Variants in STPG2 observed in about 807,000 individuals in gnomAD.
STPG2 encodes sperm tail PG-rich repeat containing 2.
A neutral mutation model predicts 54.2 loss-of-function variants in STPG2; 56 were observed. The observed-to-expected ratio is 1.03, with a 90% confidence interval of 0.83 to 1.29. STPG2 has a LOEUF of 1.29. STPG2 is among the 50% of genes most tolerant of loss of function. STPG2 has a pLI of 0.00. For synonymous variants in STPG2, 200 were observed against 181.8 expected (o/e 1.10, Z -0.81); for missense variants, 596 against 544.9 (o/e 1.09, Z -0.93).
chr4:97,737,705 A>C (rs1471450808), intron 9 of STPG2, among the ~76,000 whole-genome samples: 3 of 152,248 alleles, frequency 2.0e-5, no homozygotes, highest in Admixed American at 1.3e-4. Flanking sequence ...GAAATATGGG[A>C]CTATGTGAAA....
At chr4:97,896,936 C>T (rs1039467654) in intron 8 of STPG2, among the ~76,000 whole-genome samples, 2 of 151,848 alleles carry the variant, frequency 1.3e-5, no homozygotes, top group African/African-American at 4.8e-5. Flanking sequence ...GTTCTGGGTA[C>T]ATGTGCAGGA....
At chr4:97,730,205 C>T (rs1448891551) in intron 9 of STPG2, among the ~76,000 whole-genome samples, 1 of 152,118 alleles carries the variant, frequency 6.6e-6, no homozygotes, top group Non-Finnish European at 1.5e-5. Context: ...ATCTTTATGT[C>T]CACCTGTACC....
intron 9 of STPG2, among the ~76,000 whole-genome samples, chr4:97,715,723 T>C (rs1434374302): frequency 2.0e-5 from 3 of 151,976 alleles, no homozygotes; most frequent in African/African-American, 4.8e-5. Flanking sequence ...ATATCCCATA[T>C]ATGAGCATAC....
chr4:97,609,297 A>C (rs1206849649), intron 10 of STPG2, among the ~76,000 whole-genome samples: 1 of 152,024 alleles, frequency 6.6e-6, no homozygotes, highest in African/African-American at 2.4e-5. Context: ...GGAAGTAGAT[A>C]GTATTCCCAC....
chr4:97,535,921 T>C (rs1394692755), intron 4 of STPG2, among the ~76,000 whole-genome samples: 1 of 152,206 alleles, frequency 6.6e-6, no homozygotes, highest in Admixed American at 6.5e-5. Flanking sequence ...TTTCACCATC[T>C]GTGTTTTTCT....
At chr4:97,730,015 T>A (rs1724749512) in intron 9 of STPG2, among the ~76,000 whole-genome samples, 1 of 152,222 alleles carries the variant, frequency 6.6e-6, no homozygotes, top group Admixed American at 6.5e-5. Flanking sequence ...TTTCAACTTT[T>A]ATTTTAGATA....
At chr4:97,918,576 T>C (rs1200599779) in intron 8 of STPG2, among the ~76,000 whole-genome samples, 1 of 151,878 alleles carries the variant, frequency 6.6e-6, no homozygotes, top group African/African-American at 2.4e-5. Context: ...TGTGTATGTG[T>C]ATATGTATAC....
chr4:97,498,169 C>T (rs1203954461), intron 4 of STPG2, among the ~76,000 whole-genome samples: 1 of 151,898 alleles, frequency 6.6e-6, no homozygotes, highest in East Asian at 1.9e-4. Context: ...CCCATGAGTC[C>T]ACTGTGGGTC....
At chr4:97,730,163 C>T (rs1247799790) in intron 9 of STPG2, among the ~76,000 whole-genome samples, 1 of 152,156 alleles carries the variant, frequency 6.6e-6, no homozygotes, top group Non-Finnish European at 1.5e-5. Context: ...CCCTCACTGC[C>T]TCGTCTTGTA....
At chr4:97,478,445 G>A (rs1730131523) in intron 4 of STPG2, among the ~76,000 whole-genome samples, 1 of 151,956 alleles carries the variant, frequency 6.6e-6, no homozygotes, top group Admixed American at 6.6e-5. Flanking sequence ...AATATGAACT[G>A]GAAAAATTAA....
At chr4:97,477,689 A>G (rs1298464389) in intron 4 of STPG2, among the ~76,000 whole-genome samples, 1 of 149,322 alleles carries the variant, frequency 6.7e-6, no homozygotes, top group Non-Finnish European at 1.5e-5. Context: ...ATGGGGTTTC[A>G]CCATGTTAGC....
intron 9 of STPG2, among the ~76,000 whole-genome samples, chr4:97,825,395 A>G (rs1234837493): frequency 1.3e-5 from 2 of 152,184 alleles, no homozygotes; most frequent in Non-Finnish European, 1.5e-5. Flanking sequence ...AGCTCTGCAC[A>G]TTTGATCAGA....
At chr4:98,030,864 A>G (rs1367768961) in intron 5 of STPG2, among the ~76,000 whole-genome samples, 6 of 152,182 alleles carry the variant, frequency 3.9e-5, no homozygotes, top group Non-Finnish European at 8.8e-5. Context: ...CCCCTTCTTT[A>G]CACAATGTAC....
chr4:97,573,236 G>A (rs534794331), intron 10 of STPG2, among the ~76,000 whole-genome samples: 61 of 151,698 alleles, frequency 4.0e-4, no homozygotes, highest in African/African-American at 1.4e-3. Context: ...AACTATACAC[G>A]TTATATAAAA....
At chr4:97,745,974 A>G (rs1725410030) in intron 9 of STPG2, among the ~76,000 whole-genome samples, 1 of 151,302 alleles carries the variant, frequency 6.6e-6, no homozygotes, top group Admixed American at 6.6e-5. Context: ...GAGCTAATTT[A>G]TCTTTCAGGC....
intron 4 of STPG2, among the ~76,000 whole-genome samples, chr4:97,547,831 A>G (rs1464889370): frequency 6.6e-6 from 1 of 152,130 alleles, no homozygotes; most frequent in African/African-American, 2.4e-5. Context: ...AGGGAGCTCT[A>G]TTGAACATAA....
chr4:97,917,080 T>A (rs1731908311), intron 8 of STPG2: 3 of 152,646 alleles, frequency 2.0e-5, no homozygotes, highest in Admixed American at 2.0e-4. Context: ...CCAATAACTC[T>A]ATCTCCCTCT....
chr4:97,932,937 C>T (rs1004609575), intron 8 of STPG2, among the ~76,000 whole-genome samples: 15 of 152,136 alleles, frequency 9.9e-5, no homozygotes, highest in Non-Finnish European at 1.6e-4. Context: ...ATTAAGGAAT[C>T]GCCACACTGT....
chr4:97,963,013 G>T (rs772373481), intron 7 of STPG2, among the ~76,000 whole-genome samples: 2 of 152,046 alleles, frequency 1.3e-5, no homozygotes, highest in African/African-American at 2.4e-5. Context: ...ACAAAAATTA[G>T]CCAGGCATGG....
Sources: allele counts gnomAD v4.1 joint callset (sites outside exome capture counted in the v4.1 genomes callset), GRCh38; gene constraint gnomAD v4.1.1; transcripts MANE v1.5; gene names NCBI Gene and HGNC (gene_info 2026-07-23, HGNC 2026-07-21).